MAD1L1: variants seen among roughly 807,000 people sequenced by gnomAD.
The protein encoded by MAD1L1 is mitotic arrest deficient 1 like 1.
A neutral mutation model predicts 96.9 loss-of-function variants in MAD1L1; 95 were observed. That is an observed-to-expected ratio of 0.98 (90% CI 0.83 to 1.16). MAD1L1 has a LOEUF of 1.16. MAD1L1 is among the 50% of genes most tolerant of loss of function. The pLI, the probability that MAD1L1 is intolerant of heterozygous loss-of-function variation, is 0.00. For synonymous variants in MAD1L1, 473 were observed against 396.6 expected (o/e 1.19, Z -2.29); for missense variants, 1,007 against 954.4 (o/e 1.06, Z -0.73).
chr7:2,128,388 C>T (rs768848308), intron 11 of MAD1L1, among the ~76,000 whole-genome samples: 8 of 152,134 alleles, frequency 5.3e-5, no homozygotes, highest in African/African-American at 1.2e-4. Context: ...GCCAGACCAC[C>T]GTGAAAGACC....
At chr7:1,953,488 A>ATCAT (rs1779591481) in intron 16 of MAD1L1, among the ~76,000 whole-genome samples, 11 of 152,170 alleles carry the variant, frequency 7.2e-5, no homozygotes, top group Non-Finnish European at 2.9e-5. Context: ...AAGCACCATG[A>ATCAT]TGAGGCCACA....
chr7:2,033,961 C>T (rs111651502), intron 12 of MAD1L1, among the ~76,000 whole-genome samples: 11,327 of 152,068 alleles, frequency 0.074, 1,366 homozygotes, highest in African/African-American at 0.25. Flanking sequence ...CCAGGCGGGG[C>T]GGCATGCACC....
At chr7:2,169,296 A>G (rs1331227314) in intron 10 of MAD1L1, among the ~76,000 whole-genome samples, 1 of 152,202 alleles carries the variant, frequency 6.6e-6, no homozygotes, top group African/African-American at 2.4e-5. Context: ...GACTGGTGGG[A>G]TTACGGGGGA....
At chr7:2,111,793 A>G (rs1787395922) in intron 11 of MAD1L1, among the ~76,000 whole-genome samples, 2 of 151,820 alleles carry the variant, frequency 1.3e-5, no homozygotes, top group Non-Finnish European at 2.9e-5. Flanking sequence ...GGACCTGCAC[A>G]CACAGCAAAC....
At chr7:2,133,225 G>T (rs1159215922) in intron 11 of MAD1L1, among the ~76,000 whole-genome samples, 1 of 150,660 alleles carries the variant, frequency 6.6e-6, no homozygotes, top group Non-Finnish European at 1.5e-5. Flanking sequence ...TCAATGCTGA[G>T]CATCTCCTCA....
chr7:2,166,236 G>A (rs1276408709), intron 10 of MAD1L1, among the ~76,000 whole-genome samples: 3 of 152,224 alleles, frequency 2.0e-5, no homozygotes, highest in African/African-American at 7.2e-5. Context: ...TCTCTGAGCT[G>A]TCCACAAGTC....
At chr7:2,062,565 ACT>A (rs1205253452) in intron 12 of MAD1L1, among the ~76,000 whole-genome samples, 1 of 151,626 alleles carries the variant, frequency 6.6e-6, no homozygotes, top group Non-Finnish European at 1.5e-5. Context: ...ACAAAGAGAG[ACT>A]CTGTCTCAAA....
At chr7:1,819,040 C>T (rs1355868307) in intron 18 of MAD1L1, among the ~76,000 whole-genome samples, 1 of 152,086 alleles carries the variant, frequency 6.6e-6, no homozygotes, top group Non-Finnish European at 1.5e-5. Context: ...TGGGAGGCTC[C>T]ACCTCGGTCT....
rs368011313 is a variant in MAD1L1, at chr7:2,088,335, T to G, written c.1074-18997A>C. Among the ~76,000 whole-genome samples the G allele has an allele frequency of 1.3e-5, 2 of 152,158 alleles. No homozygotes were observed. Among genetic ancestry groups the G allele is most frequent in the Non-Finnish European group, 2.9e-5 (2 of 68,022 alleles). ...TCTGGTTACCAGCACGGTGGTCTCGTGCTACCCTGGTTCCGTGTCGGCGCC... is the reference window on the plus strand; with the variant it reads ...TCTGGTTACCAGCACGGTGGTCTCGGGCTACCCTGGTTCCGTGTCGGCGCC... On this transcript the variant is annotated intron_variant, in intron 11 of 18. Transcript: ENST00000265854. This position sits in a 1 kb window ranked among gnomAD's most constrained non-coding sequence, Gnocchi z 4.4.
chr7:2,119,681 T>G lies in MAD1L1; in HGVS notation c.1073+29471A>C, dbSNP rs910175331. On this transcript the variant is annotated intron_variant, in intron 11 of 18. Coordinates refer to ENST00000265854, the MANE Select transcript of MAD1L1 (RefSeq NM_001013836.2). The surrounding 1 kb of genome is among the most constrained non-coding windows in gnomAD (Gnocchi z 4.6). ...GAGGGTAACCTGTGCTGAGTGACAA[T>G]GCACCCCGAAACCCAGAGTGCTCCT... 3.6e-4 allele frequency among the ~76,000 whole-genome samples: 55 copies of G among 152,168 alleles called. No homozygotes were observed. Among genetic ancestry groups the G allele is most frequent in the East Asian group, 3.9e-4 (2 of 5,174 alleles).
intron 18 of MAD1L1, among the ~76,000 whole-genome samples, chr7:1,819,741 G>A (rs181424363): frequency 5.3e-5 from 8 of 152,244 alleles, no homozygotes; most frequent in Admixed American, 2.6e-4. Flanking sequence ...GGCTTGGAGA[G>A]CAGAGACAGC....
At chr7:1,824,317 A>C (rs1454016166) in intron 18 of MAD1L1, among the ~76,000 whole-genome samples, 1 of 151,262 alleles carries the variant, frequency 6.6e-6, no homozygotes, top group Admixed American at 6.6e-5. Flanking sequence ...CTTGGCCACC[A>C]GGAAGCTGCG....
chr7:1,942,401 C>T (rs1175102064), intron 16 of MAD1L1, among the ~76,000 whole-genome samples: 1 of 152,212 alleles, frequency 6.6e-6, no homozygotes, highest in East Asian at 1.9e-4. Flanking sequence ...ACAGCCTGGG[C>T]AGCGCAGAGT....
At chr7:2,022,148 G>T (rs73281316) in intron 12 of MAD1L1, among the ~76,000 whole-genome samples, 5,949 of 152,132 alleles carry the variant, frequency 0.039, 172 homozygotes, top group East Asian at 0.087. Context: ...TTCATCTAAT[G>T]GACGATTGTT....
At chr7:2,126,872 C>T (rs1788258058) in intron 11 of MAD1L1, among the ~76,000 whole-genome samples, 1 of 152,244 alleles carries the variant, frequency 6.6e-6, no homozygotes, top group African/African-American at 2.4e-5. Flanking sequence ...GAATGAATAA[C>T]CCCCTCTCAC....
chr7:1,839,185 C>T (rs1166016547), intron 18 of MAD1L1, among the ~76,000 whole-genome samples: 3 of 152,032 alleles, frequency 2.0e-5, no homozygotes, highest in African/African-American at 4.8e-5. Flanking sequence ...AGGGGCTGGC[C>T]GCAGCTTCGT....
intron 11 of MAD1L1, among the ~76,000 whole-genome samples, chr7:2,080,699 C>T (rs910402050): frequency 8.5e-5 from 13 of 152,242 alleles, no homozygotes; most frequent in African/African-American, 2.9e-4. Context: ...AGCAGCCCTG[C>T]TGTCGGCTGC....
At chr7:2,067,539 G>A (rs557811563) in intron 12 of MAD1L1, among the ~76,000 whole-genome samples, 44 of 152,222 alleles carry the variant, frequency 2.9e-4, no homozygotes, top group African/African-American at 7.0e-4. Context: ...TCTGCTTCCC[G>A]GGCCTCTCCT....
chr7:1,907,541 C>T (rs767910465), intron 17 of MAD1L1, among the ~76,000 whole-genome samples: 41 of 152,384 alleles, frequency 2.7e-4, no homozygotes, highest in Non-Finnish European at 4.7e-4. Flanking sequence ...TCGGCGTAGG[C>T]CCGGCCCCAC....
Sources: gnomAD v4.1 joint callset for allele counts (sites outside exome capture counted in the v4.1 genomes callset) on GRCh38, gnomAD v4.1.1 for gene constraint, Gnocchi (gnomAD v3.1) non-coding constraint, MANE v1.5 for transcripts, NCBI Gene and HGNC (gene_info 2026-07-23, HGNC 2026-07-21) for gene names.